SGCZ: variants seen among roughly 807,000 people sequenced by gnomAD.
SGCZ encodes the protein sarcoglycan zeta.
A neutral mutation model predicts 41.3 loss-of-function variants in SGCZ; 40 were observed. The observed-to-expected ratio is 0.97, with a 90% CI of 0.75 to 1.26. The LOEUF (loss-of-function observed/expected upper bound fraction) is 1.26. SGCZ is among the 50% of genes most tolerant of loss of function. The probability of loss-of-function intolerance (pLI) is 0.00; values close to 1 mark genes in which losing one functional copy is unlikely to be tolerated. For synonymous variants in SGCZ, 206 were observed against 137.5 expected, an observed-to-expected ratio of 1.50 and a Z score of -3.49; for missense variants, 552 against 369.8, an observed-to-expected ratio of 1.49 and a Z score of -4.04.
intron 1 of SGCZ, among the ~76,000 whole-genome samples, chr8:14,945,022 C>T (rs73201302): frequency 6.6e-6 from 1 of 152,156 alleles, no homozygotes; most frequent in Non-Finnish European, 1.5e-5. Flanking sequence ...ACCACAGAAG[C>T]CTCACTTCCA....
At chr8:14,153,340 C>G (rs1803767760) in intron 5 of SGCZ, among the ~76,000 whole-genome samples, 1 of 152,280 alleles carries the variant, frequency 6.6e-6, no homozygotes, top group Non-Finnish European at 1.5e-5. Flanking sequence ...CTATTCAAAA[C>G]TTCTTCCAGG....
chr8:15,054,323 C>T (rs1015438322), intron 1 of SGCZ, among the ~76,000 whole-genome samples: 1 of 152,130 alleles, frequency 6.6e-6, no homozygotes, highest in African/African-American at 2.4e-5. Context: ...ACAGCTTCAC[C>T]CATGTGGTCC....
At chr8:14,478,273 G>T (rs1233930728) in intron 2 of SGCZ, among the ~76,000 whole-genome samples, 1 of 152,208 alleles carries the variant, frequency 6.6e-6, no homozygotes, top group Non-Finnish European at 1.5e-5. Context: ...TGCCAAACTG[G>T]TAAGCAACCA....
chr8:14,191,115 T>C (rs993787548), intron 4 of SGCZ, among the ~76,000 whole-genome samples: 2 of 152,226 alleles, frequency 1.3e-5, no homozygotes, highest in African/African-American at 4.8e-5. Context: ...TACCTTTTCA[T>C]ATATGTATGA....
At chr8:14,339,505 G>A (rs1165661914) in intron 2 of SGCZ, among the ~76,000 whole-genome samples, 1 of 152,202 alleles carries the variant, frequency 6.6e-6, no homozygotes, top group Non-Finnish European at 1.5e-5. Context: ...ACAAAATTCA[G>A]AATCATCGTC....
At chr8:14,578,363 C>G (rs1804781540) in intron 1 of SGCZ, among the ~76,000 whole-genome samples, 1 of 152,184 alleles carries the variant, frequency 6.6e-6, no homozygotes. Flanking sequence ...GCAGACCAGC[C>G]TGGCCCAGAG....
At chr8:15,175,272 G>C (rs550042089) in intron 1 of SGCZ, among the ~76,000 whole-genome samples, 48 of 151,820 alleles carry the variant, frequency 3.2e-4, no homozygotes, top group Admixed American at 4.6e-4. Context: ...CAAAAACATG[G>C]AATCAACCCA....
In SGCZ at chr8:14,087,856, ATAACT is replaced by A. The variant is rs1801568371; in HGVS notation, c.*2582_*2586del. Among the ~76,000 whole-genome samples, 1 of 151,752 alleles carries A rather than the reference ATAACT, an allele frequency of 6.6e-6. No individual in the cohort carries two copies. The highest frequency in any genetic ancestry group is 6.6e-5 in the Admixed American group (1 of 15,184). ...TCAGAAATCTGAAACAGCTAGTCAG[ATAACT>A]TAAAGCAATTATTTGGTGTTGAATA... is the stretch of plus-strand genomic sequence containing the variant. On this transcript the variant is annotated 3_prime_UTR_variant, in exon 8 of 8. Coordinates refer to ENST00000382080, the MANE Select transcript of SGCZ (RefSeq NM_139167.4).
chr8:14,234,115 A>G (rs1473238844), intron 4 of SGCZ, among the ~76,000 whole-genome samples: 1 of 152,100 alleles, frequency 6.6e-6, no homozygotes, highest in Non-Finnish European at 1.5e-5. Flanking sequence ...TCATCAATTC[A>G]CAGAAAATAT....
In SGCZ at chr8:14,930,065, G is replaced by A. The variant is rs142324789; in HGVS notation, c.39+307520C>T. Among the ~76,000 whole-genome samples, 392 of 152,016 alleles carry A rather than the reference G, an allele frequency of 2.6e-3. 4 individuals are homozygous for A. Among genetic ancestry groups the A allele is most frequent in the African/African-American group, 9.0e-3 (373 of 41,350 alleles). The stretch of plus-strand genomic sequence containing the variant: ...GCAAGCACTTCAAAAATTTGGAGTT[G>A]TTCTTTATTAAACTGGGAATGACTT... On this transcript the variant is annotated intron_variant, in intron 1 of 7. Coordinates refer to ENST00000382080, the MANE Select transcript of SGCZ (RefSeq NM_139167.4).
chr8:15,198,845 C>G (rs1278104676), intron 1 of SGCZ, among the ~76,000 whole-genome samples: 1 of 152,132 alleles, frequency 6.6e-6, no homozygotes, highest in Non-Finnish European at 1.5e-5. Flanking sequence ...TATTTTTTAC[C>G]TTCCTGCGCT....
At chr8:14,920,943 G>T (rs890834134) in intron 1 of SGCZ, among the ~76,000 whole-genome samples, 1 of 152,114 alleles carries the variant, frequency 6.6e-6, no homozygotes, top group Non-Finnish European at 1.5e-5. Context: ...TGGCTTCTAC[G>T]CTCAGAACAT....
At chr8:14,314,774 G>T (rs1475583595) in intron 3 of SGCZ, among the ~76,000 whole-genome samples, 1 of 151,992 alleles carries the variant, frequency 6.6e-6, no homozygotes. Context: ...GCTTTTAGTG[G>T]ACCCAGTTAA....
intron 1 of SGCZ, among the ~76,000 whole-genome samples, chr8:14,644,467 G>C (rs145016480): frequency 1.3e-5 from 2 of 151,350 alleles, no homozygotes; most frequent in African/African-American, 4.8e-5. Context: ...ATAGATTTTA[G>C]ACTTCCCAGT....
At chr8:14,718,677 G>A (rs1188720799) in intron 1 of SGCZ, among the ~76,000 whole-genome samples, 5 of 151,584 alleles carry the variant, frequency 3.3e-5, no homozygotes, top group Non-Finnish European at 5.9e-5. Context: ...CTGTCCTACT[G>A]AAGATAAATT....
intron 1 of SGCZ, among the ~76,000 whole-genome samples, chr8:15,210,852 C>A (rs147810517): frequency 1.3e-5 from 2 of 152,082 alleles, no homozygotes; most frequent in African/African-American, 2.4e-5. Flanking sequence ...CCCATTAAAC[C>A]TTTTCTTATT....
At chr8:15,006,752 T>C (rs1005899268) in intron 1 of SGCZ, among the ~76,000 whole-genome samples, 2 of 152,174 alleles carry the variant, frequency 1.3e-5, no homozygotes, top group African/African-American at 4.8e-5. Flanking sequence ...TTTTGGCCCA[T>C]TGATATATTC....
intron 1 of SGCZ, among the ~76,000 whole-genome samples, chr8:14,739,532 T>C (rs370856694): frequency 1.5e-3 from 222 of 152,176 alleles, no homozygotes; most frequent in African/African-American, 5.2e-3. Flanking sequence ...AATCAAAAAT[T>C]ACCCACACAC....
At chr8:14,846,658 G>C (rs187284377) in intron 1 of SGCZ, among the ~76,000 whole-genome samples, 1 of 131,514 alleles carries the variant, frequency 7.6e-6, no homozygotes, top group Non-Finnish European at 1.5e-5. Flanking sequence ...GAATATCTCT[G>C]TATATATTTC....
Sources: allele counts gnomAD v4.1 joint callset (sites outside exome capture counted in the v4.1 genomes callset), GRCh38; gene constraint gnomAD v4.1.1; transcripts MANE v1.5; gene names NCBI Gene and HGNC (gene_info 2026-07-23, HGNC 2026-07-21).